The following SORCS1 variants were observed in gnomAD, a reference collection of about 807,000 sequenced individuals.
SORCS1 encodes sortilin related VPS10 domain containing receptor 1, also known as VPS10 domain-containing receptor SorCS1.
Under a neutral mutation model 146.1 loss-of-function variants are expected in SORCS1, and 60 were observed. That is an observed-to-expected ratio of 0.41 (90% CI 0.33 to 0.51). The LOEUF is 0.51. SORCS1 is among the 20% of genes least tolerant of loss of function. The pLI is 0.21. For missense variants in SORCS1, 1,352 were observed against 1,487.6 expected (o/e 0.91, Z 1.50); for synonymous variants, 637 against 584.0 (o/e 1.09, Z -1.31).
At chr10:106,600,322 A>C (rs1589443850) in intron 23 of SORCS1, 1 of 934,410 alleles carries the variant, frequency 1.1e-6, no homozygotes, top group Non-Finnish European at 1.2e-6. Context: ...TTTAAAAATT[A>C]TCTGGTAACA....
At chr10:106,724,196 A>T (rs530774306) in intron 6 of SORCS1, among the ~76,000 whole-genome samples, 18 of 152,198 alleles carry the variant, frequency 1.2e-4, no homozygotes, top group Non-Finnish European at 2.5e-4. Context: ...TAATCTTGTA[A>T]GTTATAAGGT....
At chr10:106,629,938 G>T (rs1290156732) in intron 18 of SORCS1, among the ~76,000 whole-genome samples, 10 of 152,164 alleles carry the variant, frequency 6.6e-5, no homozygotes, top group Non-Finnish European at 2.9e-5. Flanking sequence ...CAGCTACTCG[G>T]GGGGGCTGAG....
intron 1 of SORCS1, among the ~76,000 whole-genome samples, chr10:107,066,399 A>C (rs1961860440): frequency 6.6e-6 from 1 of 152,206 alleles, no homozygotes; most frequent in Non-Finnish European, 1.5e-5. Context: ...AATGTTTTTG[A>C]GTGAAATGGG....
intron 1 of SORCS1, among the ~76,000 whole-genome samples, chr10:107,149,372 G>A (rs1968585255): frequency 6.6e-6 from 1 of 151,220 alleles, no homozygotes; most frequent in African/African-American, 2.5e-5. Flanking sequence ...TTTTCTTACT[G>A]CTGTAAAAAA....
At chr10:107,010,989 A>C (rs1393766808) in intron 1 of SORCS1, among the ~76,000 whole-genome samples, 1 of 152,196 alleles carries the variant, frequency 6.6e-6, no homozygotes, top group African/African-American at 2.4e-5. Flanking sequence ...AAGCCTTGTG[A>C]TTCTTCAACA....
At position 106,941,323 on chromosome 10, in the gene SORCS1, C is replaced by T. The variant is rs544202041; in HGVS notation, c.626+15190G>A. On this transcript the variant is annotated intron_variant, in intron 2 of 25. Coordinates refer to ENST00000263054, the MANE Select transcript of SORCS1 (RefSeq NM_052918.5). The stretch of plus-strand genomic sequence containing the variant: ...ATTAATGTATGTTTAGTAGGTGATC[C>T]ACACTCAACATCAGTGTCACCATAA... Among the ~76,000 whole-genome samples, 3 of 152,026 alleles carry T rather than the reference C, an allele frequency of 2.0e-5. No individual in the cohort carries two copies. In the East Asian group the frequency reaches 5.8e-4, roughly 29 times the overall value.
At position 106,960,599 on chromosome 10, in the gene SORCS1, C is replaced by T. The variant is rs1391893958; in HGVS notation, c.559-4019G>A. ...TGTACTTTTAGTAGAGATGGGATTTCACCATGTTGAGGAGAATGGTCTCGA... is the reference window on the plus strand; with the variant it reads ...TGTACTTTTAGTAGAGATGGGATTTTACCATGTTGAGGAGAATGGTCTCGA... On this transcript the variant is annotated intron_variant, in intron 1 of 25. Transcript: ENST00000263054. This position sits in a 1 kb window ranked among gnomAD's most constrained non-coding sequence, Gnocchi z 4.4. Among the ~76,000 whole-genome samples the T allele has an allele frequency of 6.6e-6, 1 of 152,058 alleles. No homozygotes were observed. Among genetic ancestry groups the T allele is most frequent in the Middle Eastern group, 3.2e-3 (1 of 316 alleles).
chr10:106,743,298 C>T (rs1404292250), intron 5 of SORCS1, among the ~76,000 whole-genome samples: 1 of 152,156 alleles, frequency 6.6e-6, no homozygotes, highest in African/African-American at 2.4e-5. Flanking sequence ...AGAGAGGAGA[C>T]TTTCTTCGCT....
intron 1 of SORCS1, among the ~76,000 whole-genome samples, chr10:107,006,548 T>C (rs984451459): frequency 6.6e-6 from 1 of 152,240 alleles, no homozygotes; most frequent in African/African-American, 2.4e-5. Flanking sequence ...CCGGGCATGG[T>C]GGCTCACGCC....
At chr10:106,983,443 G>A (rs2139372884) in intron 1 of SORCS1, among the ~76,000 whole-genome samples, 1 of 152,068 alleles carries the variant, frequency 6.6e-6, no homozygotes, top group East Asian at 1.9e-4. Context: ...ACAACCTAAT[G>A]TGTAGAATTC....
chr10:107,027,155 A>T (rs1399208876), intron 1 of SORCS1, among the ~76,000 whole-genome samples: 1 of 151,428 alleles, frequency 6.6e-6, no homozygotes, highest in East Asian at 1.9e-4. Flanking sequence ...ATGACGAGAA[A>T]GAGAAAGCCT....
chr10:106,770,989 T>TC (rs1440593290), intron 4 of SORCS1, among the ~76,000 whole-genome samples: 1 of 152,154 alleles, frequency 6.6e-6, no homozygotes, highest in Non-Finnish European at 1.5e-5. Flanking sequence ...AGCAGGCCCT[T>TC]CTCTGGAGCT....
intron 6 of SORCS1, among the ~76,000 whole-genome samples, chr10:106,721,076 G>GA (rs139814943): frequency 7.7e-4 from 109 of 142,350 alleles, no homozygotes; most frequent in Middle Eastern, 3.6e-3. Context: ...AACACTGCTA[G>GA]AAAAAAAAAA....
chr10:107,079,256 TAAAG>T (rs1489115125), intron 1 of SORCS1, among the ~76,000 whole-genome samples: 1 of 151,500 alleles, frequency 6.6e-6, no homozygotes, highest in East Asian at 1.9e-4. Context: ...GTTGAGATCA[TAAAG>T]AAAGACTCTG....
intron 8 of SORCS1, among the ~76,000 whole-genome samples, chr10:106,701,191 T>A (rs1215949315): frequency 2.0e-5 from 3 of 152,248 alleles, no homozygotes; most frequent in African/African-American, 4.8e-5. Flanking sequence ...GTATTTTTTT[T>A]AATATTTTCA....
chr10:106,938,331 G>A (rs1462956704), intron 2 of SORCS1, among the ~76,000 whole-genome samples: 1 of 152,150 alleles, frequency 6.6e-6, no homozygotes, highest in Admixed American at 6.5e-5. Context: ...CTACTACAAC[G>A]AGTCTAATAA....
chr10:106,966,106 T>A (rs719965), intron 1 of SORCS1, among the ~76,000 whole-genome samples: 1 of 152,040 alleles, frequency 6.6e-6, no homozygotes, highest in African/African-American at 2.4e-5. Context: ...TGCAGCTAAC[T>A]GCAGATTTCC....
the SORCS1 span, among the ~76,000 whole-genome samples, chr10:107,174,507 C>A: frequency 0.018 from 2,709 of 152,260 alleles, 38 homozygotes; most frequent in South Asian, 0.029. Flanking sequence ...CGCACCCGGC[C>A]ACATCTTTCA....
rs570014619 is a variant in SORCS1 at position 107,107,731 on chromosome 10, C to G, written c.558+56238G>C. Reference sequence around the variant, plus strand: ...ATTCAGTAGGGCCATTTTGAGAGGGCCAACTCATGCCCAGATGGCAGACTT... The same window carrying G: ...ATTCAGTAGGGCCATTTTGAGAGGGGCAACTCATGCCCAGATGGCAGACTT... On this transcript the variant is annotated intron_variant, in intron 1 of 25. Transcript: ENST00000263054. Among the ~76,000 whole-genome samples, 3 of 152,282 alleles carry G rather than the reference C, an allele frequency of 2.0e-5. No individual in the cohort carries two copies. In the East Asian group the frequency reaches 5.8e-4, roughly 29 times the overall value.
Sources: allele counts gnomAD v4.1 joint callset (sites outside exome capture counted in the v4.1 genomes callset), GRCh38; gene constraint gnomAD v4.1.1; non-coding constraint Gnocchi (gnomAD v3.1); transcripts MANE v1.5; gene names NCBI Gene and HGNC (gene_info 2026-07-23, HGNC 2026-07-21).